TNRC6B: variants seen among roughly 807,000 people sequenced by gnomAD.
TNRC6B encodes trinucleotide repeat containing adaptor 6B, also known as trinucleotide repeat-containing gene 6B protein.
In TNRC6B, 52 loss-of-function variants were observed where a neutral mutation model predicts 203.6. The observed-to-expected ratio is 0.26, with a 90% confidence interval of 0.20 to 0.32. The LOEUF is 0.32. Ranked by LOEUF, TNRC6B falls within the 10% of genes least tolerant of loss-of-function variation. TNRC6B has a pLI of 1.00. For synonymous variants in TNRC6B, 838 were observed against 845.7 expected (o/e 0.99, Z 0.16); for missense variants, 1,923 against 2,286.2 (o/e 0.84, Z 3.24).
At chr22:40,206,748 G>A (rs1191245674) in intron 1 of TNRC6B, among the ~76,000 whole-genome samples, 1 of 152,118 alleles carries the variant, frequency 6.6e-6, no homozygotes, top group Non-Finnish European at 1.5e-5. Flanking sequence ...AGACAAGACC[G>A]CCACGCGTAC....
intron 17 of TNRC6B, among the ~76,000 whole-genome samples, chr22:40,311,582 C>T (rs1415628443): frequency 3.3e-5 from 5 of 149,446 alleles, no homozygotes; most frequent in Non-Finnish European, 5.9e-5. Flanking sequence ...GCTCTTATTA[C>T]CCAGGCTGGA....
At chr22:40,133,424 C>G (rs1389736481) in intron 3 of TNRC6B, among the ~76,000 whole-genome samples, 1 of 152,106 alleles carries the variant, frequency 6.6e-6, no homozygotes, top group Non-Finnish European at 1.5e-5. Context: ...TTATGTAAGA[C>G]ATGGTCTCTG....
intron 1 of TNRC6B, among the ~76,000 whole-genome samples, chr22:40,216,225 C>G (rs1253635478): frequency 6.6e-6 from 1 of 152,166 alleles, no homozygotes; most frequent in Non-Finnish European, 1.5e-5. Context: ...TTGTAACTTC[C>G]TGGGGAACAC....
At chr22:40,213,930 A>G (rs568950520) in intron 1 of TNRC6B, among the ~76,000 whole-genome samples, 1 of 152,312 alleles carries the variant, frequency 6.6e-6, no homozygotes, top group East Asian at 1.9e-4. Flanking sequence ...TTAAAAAAAT[A>G]ATGTAGACAG....
In TNRC6B at chr22:40,270,966, G is replaced by A. The variant is rs114127072; in HGVS notation, c.2965+686G>A. Among the ~76,000 whole-genome samples the A allele has an allele frequency of 3.1e-3, 475 of 152,274 alleles. 2 individuals are homozygous for A. Among genetic ancestry groups the A allele is most frequent in the African/African-American group, 0.011 (455 of 41,558 alleles). On this transcript the variant is annotated intron_variant, in intron 6 of 22. Coordinates refer to ENST00000454349, the MANE Select transcript of TNRC6B (RefSeq NM_001162501.2). ...TGGCTTTTAATGTGGAACACGATCT[G>A]TGCTGCCCAGTGACTTCATCCTTCT... is the stretch of plus-strand genomic sequence containing the variant.
chr22:40,159,242 C>T (rs2068850051), intron 4 of TNRC6B, among the ~76,000 whole-genome samples: 2 of 150,256 alleles, frequency 1.3e-5, no homozygotes, highest in African/African-American at 4.9e-5. Context: ...GGATTACAGG[C>T]GTGAGCCACC....
intron 1 of TNRC6B, among the ~76,000 whole-genome samples, chr22:40,183,071 C>G (rs113074962): frequency 1.3e-5 from 2 of 151,944 alleles, no homozygotes; most frequent in Admixed American, 1.3e-4. Flanking sequence ...ACATCTAGAA[C>G]GGCTTGGCAG....
intron 4 of TNRC6B, among the ~76,000 whole-genome samples, chr22:40,170,292 T>C (rs145191255): frequency 9.8e-5 from 12 of 122,272 alleles, no homozygotes; most frequent in Non-Finnish European, 1.3e-4. Flanking sequence ...GGGAAAAAAA[T>C]ATATATATAT....
chr22:40,154,642 T>C (rs1285741605), intron 3 of TNRC6B, among the ~76,000 whole-genome samples: 20 of 150,224 alleles, frequency 1.3e-4, no homozygotes, highest in Admixed American at 1.3e-3. Flanking sequence ...AGATCGAGAC[T>C]ATCCCGGCTG....
In TNRC6B at chr22:40,132,165, T is replaced by A. The variant is rs188298601; in HGVS notation, c.45+6303T>A. Among the ~76,000 whole-genome samples, 17 of 152,186 alleles carry A rather than the reference T, an allele frequency of 1.1e-4. No homozygotes were observed. In the East Asian group the frequency reaches 3.1e-3, roughly 28 times the overall value. ...GAGTTTGAGACTAGCCTGGCCAACA[T>A]AGCAAAACCCCATCTCTACTAAAAA... On this transcript the variant is annotated intron_variant, in intron 3 of 23. Coordinates refer to the TNRC6B transcript ENST00000301923.
chr22:40,238,950 C>A (rs2069987672), intron 1 of TNRC6B, among the ~76,000 whole-genome samples: 1 of 151,496 alleles, frequency 6.6e-6, no homozygotes, highest in African/African-American at 2.4e-5. Context: ...CGCCTGTAAT[C>A]CTAGCACTTT....
At position 40,327,281 on chromosome 22, in the gene TNRC6B, A is replaced by G. The variant is rs2071416006; in HGVS notation, c.*4040A>G. On this transcript the variant is annotated 3_prime_UTR_variant, in exon 23 of 23. Transcript: ENST00000454349. ...CCACAGATGTAAGATACTCACCCAT[A>G]AAGGAAATTGGAGTGGTTCTGGACA... is the stretch of plus-strand genomic sequence containing the variant. 6.6e-6 allele frequency: 1 copy of G among 152,640 alleles called. No individual in the cohort carries two copies. Among genetic ancestry groups the G allele is most frequent in the Non-Finnish European group, 1.5e-5 (1 of 68,046 alleles). The allele number at this position is 152,640 out of a possible 1,614,324, so 9.5% of individuals were successfully genotyped here. A position where few individuals can be genotyped will look rare whatever the true frequency, so the allele number is the denominator to read the frequency against.
chr22:40,178,363 C>T (rs2069090756), intron 1 of TNRC6B, among the ~76,000 whole-genome samples: 1 of 152,126 alleles, frequency 6.6e-6, no homozygotes, highest in Non-Finnish European at 1.5e-5. Flanking sequence ...TTTAATTGCA[C>T]TTTTAATGTA....
chr22:40,291,987 G>A (rs1051541461), intron 12 of TNRC6B, among the ~76,000 whole-genome samples: 1 of 152,228 alleles, frequency 6.6e-6, no homozygotes, highest in African/African-American at 2.4e-5. Context: ...GAGATCAGGA[G>A]TTTGGGACCA....
At chr22:40,081,307 GTT>G (rs34140652) in intron 1 of TNRC6B, among the ~76,000 whole-genome samples, 2 of 101,490 alleles carry the variant, frequency 2.0e-5, no homozygotes, top group African/African-American at 3.6e-5. Flanking sequence ...GTGTCTGCGT[GTT>G]TTTTTTTTTT....
At chr22:40,307,279 C>G (rs115438525) in intron 15 of TNRC6B, among the ~76,000 whole-genome samples, 2,887 of 152,068 alleles carry the variant, frequency 0.019, 82 homozygotes, top group African/African-American at 0.065. Flanking sequence ...AATTGAGGAC[C>G]CTTTATGGGT....
In TNRC6B at chr22:40,278,776, G is replaced by A. The variant is rs138071464; in HGVS notation, c.3262+732G>A. Among the ~76,000 whole-genome samples, 311 of 152,290 alleles carry A rather than the reference G, an allele frequency of 2.0e-3. 1 individual carries two copies. The highest frequency in any genetic ancestry group is 7.2e-3 in the African/African-American group (300 of 41,566). On this transcript the variant is annotated intron_variant, in intron 9 of 22. Transcript: ENST00000454349. ...ATTTTTTGAGACGGAGTCTTGCTCT[G>A]TCACCCTGGCTGGAGTGCAGCAGCT...
At chr22:40,185,689 A>G (rs552443318) in intron 1 of TNRC6B, among the ~76,000 whole-genome samples, 3 of 152,176 alleles carry the variant, frequency 2.0e-5, no homozygotes, top group Non-Finnish European at 2.9e-5. Flanking sequence ...TTGTATTGCT[A>G]TGGTAGACGG....
At chr22:40,280,263 A>C (rs1045210787) in intron 10 of TNRC6B, 120 bp downstream of exon 10, 1 of 948,340 alleles carries the variant, frequency 1.1e-6, no homozygotes, top group East Asian at 2.6e-5. Flanking sequence ...GCAAAACACA[A>C]ACATCACCTG....
Sources: allele counts gnomAD v4.1 joint callset (sites outside exome capture counted in the v4.1 genomes callset), GRCh38; gene constraint gnomAD v4.1.1; transcripts MANE v1.5; gene names NCBI Gene and HGNC (gene_info 2026-07-23, HGNC 2026-07-21).